Variants in DNMT3B observed in about 807,000 individuals in gnomAD.
DNMT3B encodes the protein DNA (cytosine-5)-methyltransferase 3B.
Under a neutral mutation model 120.2 loss-of-function variants are expected in DNMT3B, and 37 were observed. The observed-to-expected ratio is 0.31, with a 90% CI of 0.24 to 0.40. The LOEUF (loss-of-function observed/expected upper bound fraction) is 0.40, where lower values mean the gene tolerates loss of function less well. Among genes scored for constraint, DNMT3B ranks in the 10% least tolerant of loss-of-function variants. The pLI, the probability that DNMT3B is intolerant of heterozygous loss-of-function variation, is 1.00. For synonymous variants in DNMT3B, 412 were observed against 442.8 expected (o/e 0.93, Z 0.87); for missense variants, 878 against 1,137.3 (o/e 0.77, Z 3.28).
chr20:32,781,273 G>A (rs1013470342), intron 2 of DNMT3B, 80 bp from the exon 3 acceptor site: 15 of 1,504,614 alleles, frequency 1.0e-5, no homozygotes, highest in Non-Finnish European at 1.4e-5. Flanking sequence ...ACGCCACGGA[G>A]AAAAGCCCCT....
intron 17 of DNMT3B, 85 bp downstream of exon 17, chr20:32,800,383 C>T: frequency 6.3e-7 from 1 of 1,580,324 alleles, no homozygotes; most frequent in Non-Finnish European, 8.7e-7. Context: ...CATGTAGGCC[C>T]CATCCCTGAG....
At position 32,801,289 on chromosome 20, in the gene DNMT3B, C is replaced by A; in HGVS notation, c.2008C>A (p.Arg670=). The A allele has an allele frequency of 1.2e-6, 2 of 1,614,090 alleles. No homozygotes were observed. The highest frequency in any genetic ancestry group is 8.5e-7 in the Non-Finnish European group (1 of 1,180,036). ...TTTTCTGAGCACAGAGGGTACAGGC[C>A]GGCTCTTCTTCGAATTTTACCACCT... ...ARKGLYEGTG[R]LFFEFYHLLN... is the part of the protein sequence containing the mutation. The change falls in exon 19 of 23, where the codon CGG becomes AGG. Residue 670 remains arginine (R), a synonymous_variant. Coordinates refer to ENST00000328111, the MANE Select transcript of DNMT3B (RefSeq NM_006892.4).
chr20:32,785,850 G>T (rs1490107474), intron 4 of DNMT3B, among the ~76,000 whole-genome samples: 1 of 150,708 alleles, frequency 6.6e-6, no homozygotes, highest in African/African-American at 2.5e-5. Context: ...TTATTTTAGA[G>T]TGAACACGAA....
intron 3 of DNMT3B, among the ~76,000 whole-genome samples, chr20:32,783,691 A>G (rs1472891230): frequency 1.3e-5 from 2 of 152,218 alleles, no homozygotes; most frequent in Non-Finnish European, 2.9e-5. Context: ...TACCAGAAAC[A>G]GTAATGAAAT....
chr20:32,770,391 C>A (rs1335296522), intron 1 of DNMT3B, among the ~76,000 whole-genome samples: 2 of 151,884 alleles, frequency 1.3e-5, no homozygotes, highest in South Asian at 2.1e-4. Flanking sequence ...CAGGTTCAAG[C>A]GATTCTCCTG....
intron 2 of DNMT3B, 26 bp from the exon 3 acceptor site, chr20:32,781,327 C>G: frequency 6.3e-7 from 1 of 1,576,936 alleles, no homozygotes; most frequent in Non-Finnish European, 8.6e-7. Context: ...CCCCACAAAA[C>G]AGACTCCTGG....
chr20:32,789,978 G>GCTC (rs1484089155), intron 7 of DNMT3B, among the ~76,000 whole-genome samples: 3 of 152,198 alleles, frequency 2.0e-5, no homozygotes, highest in African/African-American at 7.2e-5. Flanking sequence ...CCTGAGAGAG[G>GCTC]CTAAGTTAGG....
chr20:32,776,846 G>C (rs139064695), intron 1 of DNMT3B, among the ~76,000 whole-genome samples: 1 of 152,148 alleles, frequency 6.6e-6, no homozygotes, highest in African/African-American at 2.4e-5. Flanking sequence ...GAAGCAGGAG[G>C]TGTAGGGAGT....
At chr20:32,806,461 C>A (rs1981993332) in intron 22 of DNMT3B, 134 bp downstream of exon 22, 1 of 852,740 alleles carries the variant, frequency 1.2e-6, no homozygotes. Context: ...GTAATAATAC[C>A]TTTTCATAGT....
At position 32,770,398 on chromosome 20, in the gene DNMT3B, C is replaced by T. The variant is rs142985622; in HGVS notation, c.-7+7699C>T. On this transcript the variant is annotated intron_variant, in intron 1 of 22. Coordinates refer to ENST00000328111, the MANE Select transcript of DNMT3B (RefSeq NM_006892.4). ...CTGCCTCCCAGGTTCAAGCGATTCT[C>T]CTGCCTCAGCCTCCCAAGTAGCTGG... is the stretch of plus-strand genomic sequence containing the variant. Among the ~76,000 whole-genome samples the T allele has an allele frequency of 5.2e-3, 784 of 152,212 alleles. 12 individuals carry two copies. Among genetic ancestry groups the T allele is most frequent in the African/African-American group, 0.018 (759 of 41,532 alleles).
At chr20:32,779,941 A>C (rs1229246964) in intron 1 of DNMT3B, 1 of 780,872 alleles carries the variant, frequency 1.3e-6, no homozygotes, top group Admixed American at 2.2e-5. Flanking sequence ...AGAGGGGGCC[A>C]GGGCCAGAGG....
At chr20:32,768,084 C>G (rs1203571571) in intron 1 of DNMT3B, among the ~76,000 whole-genome samples, 2 of 152,196 alleles carry the variant, frequency 1.3e-5, no homozygotes, top group Non-Finnish European at 2.9e-5. Context: ...GTGGTGCGAT[C>G]ACAGCTTACT....
intron 1 of DNMT3B, chr20:32,779,725 G>A (rs1978348539): frequency 7.0e-6 from 2 of 285,376 alleles, no homozygotes; most frequent in South Asian, 5.5e-5. Context: ...GGGAGTGAGC[G>A]ACAGGCCAGC....
intron 1 of DNMT3B, among the ~76,000 whole-genome samples, chr20:32,769,185 C>T (rs775477373): frequency 7.9e-5 from 12 of 151,976 alleles, no homozygotes; most frequent in Non-Finnish European, 1.5e-4. Context: ...TCCGGGTTCA[C>T]GCCATTCTCC....
chr20:32,782,350 A>T (rs573804487), intron 3 of DNMT3B, among the ~76,000 whole-genome samples: 1 of 152,348 alleles, frequency 6.6e-6, no homozygotes, highest in Admixed American at 6.5e-5. Flanking sequence ...AGATTCAAGA[A>T]TAGGTTTCTA....
intron 20 of DNMT3B, among the ~76,000 whole-genome samples, chr20:32,804,534 G>A (rs567412749): frequency 3.9e-4 from 60 of 152,266 alleles, no homozygotes; most frequent in African/African-American, 1.3e-3. Flanking sequence ...TACTATGGCC[G>A]TCCCTGCGTC....
At position 32,800,149 on chromosome 20, in the gene DNMT3B, A is replaced by G; in HGVS notation, c.1760-4A>G. 6.2e-7 allele frequency: 1 copy of G among 1,614,224 alleles called. No homozygotes were observed. Among genetic ancestry groups the G allele is most frequent in the Non-Finnish European group, 8.5e-7 (1 of 1,180,050 alleles). ...ATGCTTCTGTGTCTCTCTGGCCCCC[A>G]CAGGCTACCTAGTCCTCAAAGAGTT... On this transcript the variant is annotated splice_polypyrimidine_tract_variant and splice_region_variant and intron_variant, in intron 16 of 22. Coordinates refer to ENST00000328111, the MANE Select transcript of DNMT3B (RefSeq NM_006892.4).
rs1158669480 is a variant in DNMT3B at position 32,795,480 on chromosome 20, A to C, written c.1198A>C (p.Lys400Gln). ...SDYCPAPKRL[K>Q]TNCYNNGKDR... ...CTACTGCCCCGCACCCAAGCGCCTC[A>C]AGACAAATTGCTATAACAACGGCAA... Residue 400 changes from lysine (K) to glutamine (Q), a missense_variant, in exon 11 of 23, where the codon AAG becomes CAG. By Grantham distance (53) the Lys-to-Gln change is moderately conservative. This residue lies in a region of DNMT3B where 207 missense variants were observed against 222.6 expected (regional missense o/e 0.93). Transcript: ENST00000328111. 1 of 1,614,198 alleles carries C rather than the reference A, an allele frequency of 6.2e-7. No homozygotes were observed. The highest frequency in any genetic ancestry group is 8.5e-7 in the Non-Finnish European group (1 of 1,180,038).
intron 1 of DNMT3B, among the ~76,000 whole-genome samples, chr20:32,774,747 T>TC (rs1229612586): frequency 6.6e-6 from 1 of 151,662 alleles, no homozygotes; most frequent in African/African-American, 2.4e-5. Flanking sequence ...AGATGGAGTC[T>TC]CCCCCTTGTC....
Sources: gnomAD v4.1 joint callset for allele counts (sites outside exome capture counted in the v4.1 genomes callset) on GRCh38, gnomAD v4.1.1 for gene constraint, gnomAD v4.1.1 regional missense constraint, MANE v1.5 for transcripts, NCBI Gene and HGNC (gene_info 2026-07-23, HGNC 2026-07-21) for gene names.